OLFML2B: variants seen among roughly 807,000 people sequenced by gnomAD.
OLFML2B encodes olfactomedin like 2B.
In OLFML2B, 57 loss-of-function variants were observed where a neutral mutation model predicts 74.9. The observed-to-expected ratio is 0.76, with a 90% CI of 0.61 to 0.95. The LOEUF (loss-of-function observed/expected upper bound fraction) is 0.95. OLFML2B is among the 40% of genes least tolerant of loss of function. OLFML2B has a pLI of 0.00. For synonymous variants in OLFML2B, 388 were observed against 405.8 expected, an observed-to-expected ratio of 0.96 and a Z score of 0.53; for missense variants, 986 against 970.6, an observed-to-expected ratio of 1.02 and a Z score of -0.21.
chr1:162,000,532 C>T (rs1398706864), intron 4 of OLFML2B, among the ~76,000 whole-genome samples, 194 bp from the exon 5 acceptor site: 2 of 152,180 alleles, frequency 1.3e-5, no homozygotes, highest in East Asian at 1.9e-4. Flanking sequence ...TGAGGTAGGA[C>T]ATATTTTTAT....
Position 162,013,930 on chromosome 1 carries a change from ACACACAC to A in OLFML2B, c.546+3463_546+3469del, listed in dbSNP as rs1353894694. On this transcript the variant is annotated intron_variant, in intron 3 of 7. Transcript: ENST00000294794. ...CACACACACACACACACACACACAC[ACACACAC>A]ACTTCTGTAGGATTCTATGTATTTA... Among the ~76,000 whole-genome samples, 526 of 134,630 alleles carry A rather than the reference ACACACAC, an allele frequency of 3.9e-3. 5 individuals are homozygous for A. The highest frequency in any genetic ancestry group is 0.014 in the African/African-American group (487 of 35,344). 88.3% of individuals were successfully genotyped at this position (134,630 alleles called of 152,430 possible).
At chr1:162,012,295 G>A (rs1478580866) in intron 3 of OLFML2B, among the ~76,000 whole-genome samples, 3 of 152,220 alleles carry the variant, frequency 2.0e-5, no homozygotes, top group Non-Finnish European at 2.9e-5. Flanking sequence ...CCAACTCACA[G>A]CCAAGTCTGC....
rs140535952 is a variant in OLFML2B at position 161,998,103 on chromosome 1, G to A, written c.1196C>T (p.Ser399Leu). The change falls in exon 6 of 8, where the codon TCG becomes TTG. Residue 399 changes from serine to leucine, a missense_variant. Physicochemically the swap from Ser to Leu is moderately radical, Grantham distance 145. Transcript: ENST00000294794. Reference protein sequence around the residue: ...ASVGPTLQTTSVSPDPTRESV... With the variant: ...ASVGPTLQTTLVSPDPTRESV... ...CTCCCTTGTGGGATCTGGAGACACC[G>A]AGGTTGTTTGGAGTGTTGGTCCCAC... 35 of 1,613,862 alleles carry A rather than the reference G, an allele frequency of 2.2e-5. No individual in the cohort carries two copies. Among genetic ancestry groups the A allele is most frequent in the Admixed American group, 1.3e-4 (8 of 60,008 alleles).
intron 6 of OLFML2B, among the ~76,000 whole-genome samples, chr1:161,985,513 C>A (rs1284037949): frequency 6.6e-6 from 1 of 152,212 alleles, no homozygotes; most frequent in Admixed American, 6.5e-5. Context: ...TGGCTTGCTG[C>A]AGGCACCCAA....
In OLFML2B at chr1:161,998,010, G is replaced by T. The variant is rs773638757; in HGVS notation, c.1289C>A (p.Ala430Glu). The T allele has an allele frequency of 1.9e-6, 3 of 1,614,160 alleles. No homozygotes were observed. The highest frequency in any genetic ancestry group is 2.5e-6 in the Non-Finnish European group (3 of 1,180,010). The stretch of plus-strand genomic sequence containing the variant: ...AGACACTGCCGGAGGAGCTGGGGCT[G>T]CTGGTTGCTGGGTGGCTGTGTGGGC... ...TVAHTATQQP[A>E]APAPPAVSPR... Residue 430 changes from alanine (A) to glutamate (E), a missense_variant, in exon 6 of 8, where the codon GCA (alanine) becomes GAA (glutamate). Coordinates refer to ENST00000294794, the MANE Select transcript of OLFML2B (RefSeq NM_015441.3).
At position 161,983,645 on chromosome 1, in the gene OLFML2B, T is replaced by A; in HGVS notation, c.*30A>T. The stretch of plus-strand genomic sequence containing the variant: ...ATACACACAAGGTGCTAGTGACCCC[T>A]CTGTGCTTCTGCTTGTGGGGACAAG... On this transcript the variant is annotated 3_prime_UTR_variant, in exon 8 of 8. Coordinates refer to ENST00000294794, the MANE Select transcript of OLFML2B (RefSeq NM_015441.3). The A allele has an allele frequency of 6.3e-7, 1 of 1,583,438 alleles. No homozygotes were observed.
intron 6 of OLFML2B, among the ~76,000 whole-genome samples, chr1:161,997,566 A>G (rs2101957222): frequency 6.6e-6 from 1 of 152,360 alleles, no homozygotes; most frequent in South Asian, 2.1e-4. Flanking sequence ...TTATAAAACT[A>G]ACTCCTGAAG....
Position 162,000,233 on chromosome 1 carries a change from G to C in OLFML2B, c.829C>G (p.Arg277Gly), listed in dbSNP as rs768505143. ...AGGTGGACCTGCCTCTGCAGGGGCC[G>C]CTGTGACTTCACCACCTCAGGCAGA... Reference protein sequence around the residue: ...LALPEVVKSQRPLQRQVHLRG... With the variant: ...LALPEVVKSQGPLQRQVHLRG... The change falls in exon 5 of 8, where the codon CGG becomes GGG. Residue 277 changes from arginine (R) to glycine (G), a missense_variant. Arg to Gly is a moderately radical substitution (Grantham distance 125, BLOSUM62 -2). Transcript: ENST00000294794. 4 of 1,613,784 alleles carry C rather than the reference G, an allele frequency of 2.5e-6. No individual in the cohort carries two copies. The Admixed American group carries it at 6.7e-5, about 27-fold the overall frequency.
chr1:162,007,730 A>T (rs753662136), intron 3 of OLFML2B, among the ~76,000 whole-genome samples: 7 of 152,200 alleles, frequency 4.6e-5, no homozygotes, highest in Non-Finnish European at 7.3e-5. Context: ...AGGTGGGCAT[A>T]TCCAGGCTGT....
intron 3 of OLFML2B, among the ~76,000 whole-genome samples, chr1:162,013,662 C>T (rs1303366140): frequency 6.6e-6 from 1 of 152,018 alleles, no homozygotes; most frequent in East Asian, 1.9e-4. Flanking sequence ...GGCACACATG[C>T]ACCAGGGTAC....
Position 161,984,657 on chromosome 1 carries a change from C to T in OLFML2B, c.1651+147G>A, listed in dbSNP as rs1689534847. ...AATGTGAGGGAGTGGGGAAGGGGGA[C>T]CGCTCTCCAAGGAAAGGTCCTTTAG... On this transcript the variant is annotated intron_variant, in intron 7 of 7. Transcript: ENST00000294794. The T allele has an allele frequency of 4.8e-6, 4 of 833,046 alleles. No individual in the cohort carries two copies. In the South Asian group the frequency reaches 5.1e-5, roughly 11 times the overall value. The allele number at this position is 833,046 out of a possible 1,614,324, so 51.6% of individuals were successfully genotyped here. A position where few individuals can be genotyped will look rare whatever the true frequency, so the allele number is the denominator to read the frequency against.
chr1:161,991,085 C>A (rs1396991317), intron 6 of OLFML2B, among the ~76,000 whole-genome samples: 1 of 152,194 alleles, frequency 6.6e-6, no homozygotes, highest in Non-Finnish European at 1.5e-5. Context: ...CCACTGAAGA[C>A]TTGAACCCCT....
rs1250091152 is a variant in OLFML2B at position 162,000,108 on chromosome 1, C to T, written c.949+5G>A. The T allele has an allele frequency of 3.8e-6, 6 of 1,581,634 alleles. No homozygotes were observed. On this transcript the variant is annotated splice_donor_5th_base_variant and intron_variant, in intron 5 of 7. Transcript: ENST00000294794. Reference sequence around the variant, plus strand: ...TCTGGGGCGGCCCTGTTGACCCCAACTCACGCTGCTCTTCAATGTCATTCT... The same window carrying T: ...TCTGGGGCGGCCCTGTTGACCCCAATTCACGCTGCTCTTCAATGTCATTCT...
intron 1 of OLFML2B, among the ~76,000 whole-genome samples, chr1:162,022,156 A>G (rs1421718797): frequency 6.6e-6 from 1 of 152,042 alleles, no homozygotes; most frequent in African/African-American, 2.4e-5. Flanking sequence ...AGAGCACAAA[A>G]TAAACACTCC....
intron 1 of OLFML2B, among the ~76,000 whole-genome samples, chr1:162,020,566 G>A (rs1371838015): frequency 6.8e-6 from 1 of 147,366 alleles, no homozygotes; most frequent in Non-Finnish European, 1.5e-5. Flanking sequence ...TCACTCTGTT[G>A]CCCAGACTGG....
chr1:161,984,298 G>A (rs1260120006), intron 7 of OLFML2B, 22 bp from the exon 8 acceptor site: 1 of 1,516,260 alleles, frequency 6.6e-7, no homozygotes, highest in Admixed American at 2.3e-5. Flanking sequence ...GAGAAAACAG[G>A]AGGCTTCAGA....
At position 161,998,116 on chromosome 1, in the gene OLFML2B, G is replaced by A. The variant is rs1189416905; in HGVS notation, c.1183C>T (p.Leu395Phe). ...IANHASVGPTLQTTSVSPDPT... is the reference protein window; with the variant it reads ...IANHASVGPTFQTTSVSPDPT... The stretch of plus-strand genomic sequence containing the variant: ...TCTGGAGACACCGAGGTTGTTTGGA[G>A]TGTTGGTCCCACTGAGGCATGGTTG... Residue 395 changes from leucine to phenylalanine, a missense_variant, in exon 6 of 8, where the codon CTC becomes TTC. Transcript: ENST00000294794. 2 of 1,613,896 alleles carry A rather than the reference G, an allele frequency of 1.2e-6. No homozygotes were observed. The highest frequency in any genetic ancestry group is 1.7e-6 in the Non-Finnish European group (2 of 1,180,042).
At chr1:161,986,013 A>C (rs901960712) in intron 6 of OLFML2B, among the ~76,000 whole-genome samples, 1 of 152,316 alleles carries the variant, frequency 6.6e-6, no homozygotes, top group African/African-American at 2.4e-5. Context: ...GTGAAGTCAC[A>C]CGTGACTAAG....
Position 162,023,507 on chromosome 1 carries a change from G to GGACACCCTCTCGCAGA in OLFML2B, c.-78_-77insTCTGCGAGAGGGTGTC. 7.3e-7 allele frequency: 1 copy of GGACACCCTCTCGCAGA among 1,369,796 alleles called. No individual in the cohort carries two copies. Among genetic ancestry groups the GGACACCCTCTCGCAGA allele is most frequent in the Non-Finnish European group, 9.6e-7 (1 of 1,041,836 alleles). The allele number at this position is 1,369,796 out of a possible 1,614,324, so 84.9% of individuals were successfully genotyped here. ...GGGGTCTCGGCAAGGACTTCTGCGAGAGGGTGTCCTCGCTAGAGCCCGAAA... is the reference window on the plus strand; with the variant it reads ...GGGGTCTCGGCAAGGACTTCTGCGAGGACACCCTCTCGCAGAAGGGTGTCCTCGCTAGAGCCCGAAA... On this transcript the variant is annotated 5_prime_UTR_variant, in exon 1 of 8. Transcript: ENST00000294794.
Sources: allele counts gnomAD v4.1 joint callset (sites outside exome capture counted in the v4.1 genomes callset), GRCh38; gene constraint gnomAD v4.1.1; transcripts MANE v1.5; gene names NCBI Gene and HGNC (gene_info 2026-07-23, HGNC 2026-07-21).